The following ABI1 variants were observed in gnomAD, a reference collection of about 807,000 sequenced individuals.
ABI1 encodes Abelson interactor 1.
Under a neutral mutation model 54.6 loss-of-function variants are expected in ABI1, and 14 were observed. That is an observed-to-expected ratio of 0.26 (90% CI 0.17 to 0.40). The LOEUF (loss-of-function observed/expected upper bound fraction) is 0.40. Ranked by LOEUF, ABI1 falls within the 10% of genes least tolerant of loss-of-function variation. The probability of loss-of-function intolerance (pLI) is 1.00; values close to 1 mark genes in which losing one functional copy is unlikely to be tolerated. For missense variants in ABI1, 443 were observed against 598.3 expected (o/e 0.74, Z 2.71); for synonymous variants, 194 against 209.3 (o/e 0.93, Z 0.63).
At chr10:26,807,884 G>T (rs1222017914) in intron 2 of ABI1, among the ~76,000 whole-genome samples, 1 of 152,164 alleles carries the variant, frequency 6.6e-6, no homozygotes, top group Non-Finnish European at 1.5e-5. Context: ...TTGAGGTCAG[G>T]AGTTGGAGGC....
intron 2 of ABI1, among the ~76,000 whole-genome samples, chr10:26,799,468 G>A (rs1291264579): frequency 6.6e-6 from 1 of 152,154 alleles, no homozygotes; most frequent in Non-Finnish European, 1.5e-5. Flanking sequence ...AAGCTTCGGG[G>A]GAGGGGGGAA....
chr10:26,781,196 G>C (rs1842059788), intron 2 of ABI1, among the ~76,000 whole-genome samples: 1 of 152,204 alleles, frequency 6.6e-6, no homozygotes, highest in African/African-American at 2.4e-5. Context: ...TAGCTACTAG[G>C]TATGCCTCTT....
At chr10:26,758,239 A>C (rs1349566721) in intron 8 of ABI1, among the ~76,000 whole-genome samples, 1 of 152,120 alleles carries the variant, frequency 6.6e-6, no homozygotes, top group Admixed American at 6.5e-5. Flanking sequence ...TGGCTCTAGA[A>C]AGAGCCACAA....
intron 2 of ABI1, among the ~76,000 whole-genome samples, chr10:26,814,878 G>C (rs1214313040): frequency 1.3e-5 from 2 of 152,134 alleles, no homozygotes; most frequent in Non-Finnish European, 2.9e-5. Flanking sequence ...AGTCCTGATA[G>C]AATTGGAGAT....
Position 26,748,681 on chromosome 10 carries a change from G to A in ABI1, c.1335C>T (p.Ile445=), listed in dbSNP as rs772738804. The A allele has an allele frequency of 1.9e-6, 3 of 1,613,098 alleles. No individual in the cohort carries two copies. The Admixed American group carries it at 5.0e-5, about 27-fold the overall frequency. ...CATCATTCTTCTTTATAACATAAAT[G>A]ATTGCACCCTCCATAAATGACAGCT... The part of the protein sequence containing the change: ...DDELSFMEGA[I]IYVIKKNDDG... The change falls in exon 11 of 11, where the codon ATC becomes ATT. Residue 445 remains isoleucine (I), a synonymous_variant. Coordinates refer to ENST00000376140, the MANE Select transcript of ABI1 (RefSeq NM_001012750.3).
At chr10:26,799,392 G>A (rs2046395556) in intron 2 of ABI1, among the ~76,000 whole-genome samples, 2 of 152,082 alleles carry the variant, frequency 1.3e-5, no homozygotes, top group East Asian at 1.9e-4. Context: ...ACTCAATGAA[G>A]GCTTTATAAT....
At chr10:26,758,567 A>C (rs1422553700) in intron 8 of ABI1, among the ~76,000 whole-genome samples, 1 of 152,230 alleles carries the variant, frequency 6.6e-6, no homozygotes, top group Non-Finnish European at 1.5e-5. Flanking sequence ...AGAGTAATTA[A>C]GCAGGCATCA....
At chr10:26,839,584 G>A (rs1022312696) in intron 1 of ABI1, 10 of 554,524 alleles carry the variant, frequency 1.8e-5, no homozygotes, top group Admixed American at 1.3e-4. Flanking sequence ...ACTAGGTAGG[G>A]TGGTAGTTAA....
intron 10 of ABI1, among the ~76,000 whole-genome samples, chr10:26,749,742 G>A (rs1837376699): frequency 6.6e-6 from 1 of 152,168 alleles, no homozygotes; most frequent in Non-Finnish European, 1.5e-5. Flanking sequence ...AATGGCCCAT[G>A]GACAAATCCA....
chr10:26,798,491 G>C (rs1244647319), intron 2 of ABI1, among the ~76,000 whole-genome samples: 31 of 151,904 alleles, frequency 2.0e-4, no homozygotes, highest in Non-Finnish European at 8.8e-5. Context: ...AAAAGGCAAG[G>C]GAACAGATGC....
intron 1 of ABI1, among the ~76,000 whole-genome samples, chr10:26,848,502 T>A (rs1184557960): frequency 6.6e-6 from 1 of 151,752 alleles, no homozygotes; most frequent in Non-Finnish European, 1.5e-5. Context: ...TAGCAGCAAA[T>A]CAGTTTCAAA....
intron 1 of ABI1, among the ~76,000 whole-genome samples, chr10:26,844,178 T>C (rs1241348906): frequency 6.6e-6 from 1 of 152,120 alleles, no homozygotes; most frequent in Non-Finnish European, 1.5e-5. Flanking sequence ...TGCCTTGCTA[T>C]CTTTCTGTTC....
rs978301283 is a variant in ABI1, at chr10:26,770,288, G to C, written c.535C>G (p.Gln179Glu). ...GTLSRTNPPT[Q>E]KPPSPPMSGR... Reference sequence around the variant, plus strand: ...GACATGGGAGGACTTGGCGGTTTCTGAGTAGGAGGATTTGTTCTCGACAGT... The same window carrying C: ...GACATGGGAGGACTTGGCGGTTTCTCAGTAGGAGGATTTGTTCTCGACAGT... The change falls in exon 5 of 11, where the codon CAG becomes GAG. Residue 179 changes from glutamine (Q) to glutamate (E), a missense_variant. Transcript: ENST00000376140. 6.2e-7 allele frequency: 1 copy of C among 1,614,078 alleles called. No homozygotes were observed. The highest frequency in any genetic ancestry group is 8.5e-7 in the Non-Finnish European group (1 of 1,179,934).
intron 1 of ABI1, among the ~76,000 whole-genome samples, chr10:26,852,208 G>A (rs1028011897): frequency 2.0e-5 from 3 of 152,152 alleles, no homozygotes; most frequent in South Asian, 2.1e-4. Flanking sequence ...GGCCGAGCAC[G>A]GTGGCTCACG....
At position 26,841,087 on chromosome 10, in the gene ABI1, A is replaced by G. The variant is rs201804724; in HGVS notation, c.118-17782T>C. ...ACATATCATCTATGGTTTTCTTACT[A>G]CAATAGCAGAGTTGAGTAATTGTGT... On this transcript the variant is annotated intron_variant, in intron 1 of 10. Transcript: ENST00000376140. Among the ~76,000 whole-genome samples, 7 of 152,304 alleles carry G rather than the reference A, an allele frequency of 4.6e-5. No individual in the cohort carries two copies. The East Asian group carries it at 1.3e-3, about 29-fold the overall frequency.
At chr10:26,793,173 C>T (rs1326048220) in intron 2 of ABI1, among the ~76,000 whole-genome samples, 1 of 152,066 alleles carries the variant, frequency 6.6e-6, no homozygotes, top group Non-Finnish European at 1.5e-5. Flanking sequence ...TATTTTTGCC[C>T]TGAATAGAGA....
chr10:26,856,819 T>C (rs368820387), intron 1 of ABI1, among the ~76,000 whole-genome samples: 47 of 152,352 alleles, frequency 3.1e-4, no homozygotes, highest in African/African-American at 1.1e-3. Context: ...AAGCAGTTTC[T>C]ACTCCTTTTC....
chr10:26,841,245 C>G (rs1246639899), intron 1 of ABI1, among the ~76,000 whole-genome samples: 1 of 152,000 alleles, frequency 6.6e-6, no homozygotes, highest in Non-Finnish European at 1.5e-5. Flanking sequence ...AGCTTTTATT[C>G]TTTTTATATC....
chr10:26,747,536 CT>C lies in ABI1; in HGVS notation c.*1033del, dbSNP rs1564445227. 2 of 204,638 alleles carry C rather than the reference CT, an allele frequency of 9.8e-6. No homozygotes were observed. Among genetic ancestry groups the C allele is most frequent in the Non-Finnish European group, 2.0e-5 (2 of 100,004 alleles). The allele number at this position is 204,638 out of a possible 1,614,324, so 12.7% of individuals were successfully genotyped here. ...TACAATATGTAAAAGGTACTTTTAA[CT>C]TCCTTTCATTGAACCAGTGTACAAC... On this transcript the variant is annotated 3_prime_UTR_variant, in exon 11 of 11. Transcript: ENST00000376140.
Sources: allele counts gnomAD v4.1 joint callset (sites outside exome capture counted in the v4.1 genomes callset), GRCh38; gene constraint gnomAD v4.1.1; transcripts MANE v1.5; gene names NCBI Gene and HGNC (gene_info 2026-07-23, HGNC 2026-07-21).